The following AKAIN1 variants were observed in gnomAD, a reference collection of about 807,000 sequenced individuals.
The protein encoded by AKAIN1 is A-kinase anchor inhibitor 1.
A neutral mutation model predicts 3.7 loss-of-function variants in AKAIN1; 3 were observed. That is an observed-to-expected ratio of 0.82 (90% CI 0.37 to 2.12). The LOEUF (loss-of-function observed/expected upper bound fraction) is 2.12, where lower values mean the gene tolerates loss of function less well. AKAIN1 is among the 30% of genes most tolerant of loss of function. The pLI, the probability that AKAIN1 is intolerant of heterozygous loss-of-function variation, is 0.06. For missense variants in AKAIN1, 82 were observed against 82.7 expected, an observed-to-expected ratio of 0.99 and a Z score of 0.03; for synonymous variants, 31 against 30.8, an observed-to-expected ratio of 1.01 and a Z score of -0.02.
intron 1 of AKAIN1, among the ~76,000 whole-genome samples, chr18:5,154,953 T>C (rs1391066797): frequency 1.3e-5 from 2 of 151,992 alleles, no homozygotes; most frequent in Non-Finnish European, 2.9e-5. Context: ...GCCCAGCTAA[T>C]TTTTTGTATT....
intron 1 of AKAIN1, among the ~76,000 whole-genome samples, chr18:5,158,110 C>G (rs2071118714): frequency 1.3e-5 from 2 of 152,194 alleles, no homozygotes; most frequent in Non-Finnish European, 2.9e-5. Context: ...AGCATCTGCT[C>G]TCAAGGGGAT....
chr18:5,149,217 A>T (rs1362356084), intron 1 of AKAIN1, among the ~76,000 whole-genome samples: 1 of 152,234 alleles, frequency 6.6e-6, no homozygotes, highest in Admixed American at 6.5e-5. Context: ...GAGAGCAGCG[A>T]AGCCTGGAGC....
At chr18:5,188,039 C>T (rs2071297467) in intron 1 of AKAIN1, among the ~76,000 whole-genome samples, 1 of 152,058 alleles carries the variant, frequency 6.6e-6, no homozygotes, top group Non-Finnish European at 1.5e-5. Flanking sequence ...GGTTAACTGA[C>T]CCCCATGTAA....
chr18:5,192,527 A>G (rs1259546809), intron 1 of AKAIN1, among the ~76,000 whole-genome samples: 2 of 151,496 alleles, frequency 1.3e-5, no homozygotes, highest in Non-Finnish European at 2.9e-5. Context: ...TGGCATCCCA[A>G]AGTATTGGGG....
At chr18:5,174,305 C>T (rs1013110263) in intron 1 of AKAIN1, among the ~76,000 whole-genome samples, 1 of 152,110 alleles carries the variant, frequency 6.6e-6, no homozygotes. Context: ...CCTATAGGGA[C>T]TGTGAGGACC....
At chr18:5,151,996 A>T (rs1472849260) in intron 1 of AKAIN1, among the ~76,000 whole-genome samples, 1 of 152,208 alleles carries the variant, frequency 6.6e-6, no homozygotes, top group South Asian at 2.1e-4. Context: ...AATCTAGAAG[A>T]GTCAGATGTT....
At chr18:5,181,196 G>A (rs755106405) in intron 1 of AKAIN1, among the ~76,000 whole-genome samples, 1 of 152,100 alleles carries the variant, frequency 6.6e-6, no homozygotes, top group Non-Finnish European at 1.5e-5. Flanking sequence ...GGAGGCTGAA[G>A]TAAGAGGACT....
Position 5,145,098 on chromosome 18 carries a change from A to G in AKAIN1, c.*464T>C, listed in dbSNP as rs1598303050. Among the ~76,000 whole-genome samples the G allele has an allele frequency of 2.0e-5, 3 of 152,236 alleles. No individual in the cohort carries two copies. The highest frequency in any genetic ancestry group is 4.1e-4 in the South Asian group (2 of 4,830). The stretch of plus-strand genomic sequence containing the variant: ...GACCTGAACCCACTTAAAGCCTTCA[A>G]TTTCACATTTGAAGGTAACTAAAAC... On this transcript the variant is annotated 3_prime_UTR_variant, in exon 2 of 2. Coordinates refer to ENST00000434239, the MANE Select transcript of AKAIN1 (RefSeq NM_001145194.2).
At chr18:5,148,173 C>G (rs1450359371) in intron 1 of AKAIN1, among the ~76,000 whole-genome samples, 1 of 152,218 alleles carries the variant, frequency 6.6e-6, no homozygotes, top group African/African-American at 2.4e-5. Context: ...GCTGTTGTAA[C>G]TGAGAAACTC....
At chr18:5,197,422 G>A, upstream of AKAIN1, 6 of 1,258,174 alleles carry the variant, frequency 4.8e-6, no homozygotes, top group Non-Finnish European at 6.0e-6. This position sits in a 1 kb window ranked among gnomAD's most constrained non-coding sequence, Gnocchi z 6.9. Flanking sequence ...TAAACTTCCC[G>A]GCAGGGGACA....
intron 1 of AKAIN1, among the ~76,000 whole-genome samples, chr18:5,162,546 C>T (rs550161487): frequency 6.6e-6 from 1 of 151,696 alleles, no homozygotes; most frequent in East Asian, 1.9e-4. Flanking sequence ...CTTTGAATCT[C>T]AATAGAAATG....
At chr18:5,171,560 T>C (rs930723543) in intron 1 of AKAIN1, among the ~76,000 whole-genome samples, 1 of 152,068 alleles carries the variant, frequency 6.6e-6, no homozygotes, top group Non-Finnish European at 1.5e-5. Context: ...AAAGAAGACA[T>C]ACAAATTGCA....
intron 1 of AKAIN1, among the ~76,000 whole-genome samples, chr18:5,182,133 A>T (rs563493606): frequency 6.6e-6 from 1 of 152,244 alleles, no homozygotes; most frequent in South Asian, 2.1e-4. Flanking sequence ...TCATCTCAGG[A>T]TGCACTCAGA....
chr18:5,168,145 A>G (rs2071176953), intron 1 of AKAIN1, among the ~76,000 whole-genome samples: 1 of 152,090 alleles, frequency 6.6e-6, no homozygotes, highest in Non-Finnish European at 1.5e-5. Flanking sequence ...AGGGGTAACA[A>G]TGTGTGCTTT....
chr18:5,163,371 T>C (rs1395246771), intron 1 of AKAIN1, among the ~76,000 whole-genome samples: 1 of 152,100 alleles, frequency 6.6e-6, no homozygotes, highest in East Asian at 1.9e-4. Flanking sequence ...ACCAGGATTA[T>C]GAAGATTAGT....
intron 1 of AKAIN1, among the ~76,000 whole-genome samples, chr18:5,180,845 T>C (rs543507110): frequency 3.9e-5 from 6 of 152,238 alleles, no homozygotes; most frequent in Admixed American, 3.9e-4. Context: ...ATTAACAACT[T>C]GTGTCAGGCA....
At chr18:5,173,505 G>A (rs1363300704) in intron 1 of AKAIN1, among the ~76,000 whole-genome samples, 1 of 152,140 alleles carries the variant, frequency 6.6e-6, no homozygotes, top group Admixed American at 6.5e-5. Context: ...GCTTTCCTTT[G>A]GAGGAAAAAA....
rs1382557416 is a variant in AKAIN1, at chr18:5,144,112, T to G, written c.*1450A>C. ...CTTCTGCTTCCTTCTCCTTCCATGT[T>G]TCCTGTGAATTTATTCCACCTGTGC... On this transcript the variant is annotated 3_prime_UTR_variant, in exon 2 of 2. Coordinates refer to ENST00000434239, the MANE Select transcript of AKAIN1 (RefSeq NM_001145194.2). 6.6e-6 allele frequency among the ~76,000 whole-genome samples: 1 copy of G among 152,184 alleles called. No individual in the cohort carries two copies. The highest frequency in any genetic ancestry group is 2.1e-4 in the South Asian group (1 of 4,834).
chr18:5,191,604 A>G (rs1385132206), intron 1 of AKAIN1, among the ~76,000 whole-genome samples: 1 of 152,142 alleles, frequency 6.6e-6, no homozygotes, highest in Admixed American at 6.5e-5. Context: ...ATCTAAATTT[A>G]GGCAGGATTT....
Sources: gnomAD v4.1 joint callset for allele counts (sites outside exome capture counted in the v4.1 genomes callset) on GRCh38, gnomAD v4.1.1 for gene constraint, Gnocchi (gnomAD v3.1) non-coding constraint, MANE v1.5 for transcripts, NCBI Gene and HGNC (gene_info 2026-07-23, HGNC 2026-07-21) for gene names.